Variants in SLCO3A1 observed in about 807,000 individuals in gnomAD.
SLCO3A1 encodes PGE1 transporter.
SLCO3A1 carries 27 observed loss-of-function variants against 63.1 expected under a neutral mutation model. That is an observed-to-expected ratio of 0.43 (90% CI 0.32 to 0.59). The LOEUF is 0.59. Ranked by LOEUF, SLCO3A1 falls within the 20% of genes least tolerant of loss-of-function variation. SLCO3A1 has a pLI of 0.09. For synonymous variants in SLCO3A1, 473 were observed against 409.9 expected (o/e 1.15, Z -1.86); for missense variants, 773 against 945.8 (o/e 0.82, Z 2.40).
chr15:92,128,864 C>T, intron 7 of SLCO3A1, among the ~76,000 whole-genome samples: 1 of 152,224 alleles, frequency 6.6e-6, no homozygotes, highest in Non-Finnish European at 1.5e-5. Context: ...TCAGGAAAGA[C>T]TTCTTCCAGA....
chr15:91,974,364 T>G (rs1244055731), intron 2 of SLCO3A1, among the ~76,000 whole-genome samples: 1 of 151,936 alleles, frequency 6.6e-6, no homozygotes, highest in East Asian at 1.9e-4. Flanking sequence ...AGAGACAGAC[T>G]CATGAATAAA....
intron 2 of SLCO3A1, among the ~76,000 whole-genome samples, chr15:91,922,327 G>T (rs1374705773): frequency 6.6e-6 from 1 of 152,152 alleles, no homozygotes; most frequent in Non-Finnish European, 1.5e-5. Flanking sequence ...TGAATACACA[G>T]AACAAGTGCT....
At chr15:92,004,429 T>G (rs7182304) in intron 2 of SLCO3A1, among the ~76,000 whole-genome samples, 133,370 of 152,308 alleles carry the variant, frequency 0.88, 58,737 homozygotes, top group East Asian at 0.98. Flanking sequence ...TATAGCTGGT[T>G]AGGCAGTGAT....
At chr15:92,068,947 T>G (rs370303301) in intron 2 of SLCO3A1, among the ~76,000 whole-genome samples, 1 of 152,174 alleles carries the variant, frequency 6.6e-6, no homozygotes. Flanking sequence ...ACGGTGATGA[T>G]TCCTAGAGAT....
At position 91,863,605 on chromosome 15, in the gene SLCO3A1, C is replaced by G. The variant is rs1897098482; in HGVS notation, c.180+9517C>G. Among the ~76,000 whole-genome samples, 1 of 152,180 alleles carries G rather than the reference C, an allele frequency of 6.6e-6. No individual in the cohort carries two copies. Among genetic ancestry groups the G allele is most frequent in the Non-Finnish European group, 1.5e-5 (1 of 68,042 alleles). On this transcript the variant is annotated intron_variant, in intron 1 of 9. Transcript: ENST00000318445. The surrounding 1 kb of genome is among the most constrained non-coding windows in gnomAD (Gnocchi z 4.3). The stretch of plus-strand genomic sequence containing the variant: ...TGAAGCTATACATGCGTGGGGTGCA[C>G]AGCACACCACACGGTCAAGTTCAGC...
chr15:92,058,153 G>A (rs753284670), intron 2 of SLCO3A1, among the ~76,000 whole-genome samples: 4 of 151,526 alleles, frequency 2.6e-5, no homozygotes, highest in East Asian at 1.9e-4. Context: ...CTGTATAAGC[G>A]TGAGAGTGTG....
chr15:92,104,970 G>A (rs888073711), intron 4 of SLCO3A1, among the ~76,000 whole-genome samples: 10 of 151,086 alleles, frequency 6.6e-5, no homozygotes, highest in African/African-American at 2.4e-4. Context: ...GGGCGCGGTG[G>A]CTGTAATCCC....
chr15:92,162,778 C>T lies in SLCO3A1; in HGVS notation c.1776C>T (p.Ile592=), dbSNP rs760681699. The T allele has an allele frequency of 3.1e-6, 5 of 1,613,702 alleles. No homozygotes were observed. The highest frequency in any genetic ancestry group is 3.4e-6 in the Non-Finnish European group (4 of 1,179,784). ...RLLGFIPPPL[I]FGAGIDSTCL... ...CAGGCTTCATCCCTCCACCCCTCAT[C>T]TTCGGGGCTGGCATCGACTCCACCT... Residue 592 remains isoleucine (I), a synonymous_variant, in exon 10 of 10, where the codon ATC becomes ATT. Coordinates refer to ENST00000318445, the MANE Select transcript of SLCO3A1 (RefSeq NM_013272.4).
intron 2 of SLCO3A1, among the ~76,000 whole-genome samples, chr15:92,054,583 C>T (rs1370235336): frequency 6.6e-6 from 1 of 152,140 alleles, no homozygotes; most frequent in Non-Finnish European, 1.5e-5. Flanking sequence ...TATGCATTAG[C>T]TATCCTGATG....
At chr15:91,887,367 C>T (rs1478612496) in intron 1 of SLCO3A1, among the ~76,000 whole-genome samples, 1 of 152,076 alleles carries the variant, frequency 6.6e-6, no homozygotes, top group Non-Finnish European at 1.5e-5. Context: ...AACAATGACC[C>T]TAAAGCACTA....
chr15:92,127,787 T>C (rs1468463047), intron 6 of SLCO3A1, among the ~76,000 whole-genome samples: 1 of 152,208 alleles, frequency 6.6e-6, no homozygotes, highest in East Asian at 1.9e-4. Flanking sequence ...ACAATAATTA[T>C]TGAAGTCAGT....
At chr15:91,962,036 T>C (rs1305754968) in intron 2 of SLCO3A1, among the ~76,000 whole-genome samples, 1 of 152,224 alleles carries the variant, frequency 6.6e-6, no homozygotes, top group African/African-American at 2.4e-5. Context: ...GAGTCAGAAG[T>C]TGAGCTCAGC....
At chr15:92,037,099 G>A (rs928099504) in intron 2 of SLCO3A1, among the ~76,000 whole-genome samples, 5 of 152,174 alleles carry the variant, frequency 3.3e-5, no homozygotes, top group East Asian at 1.9e-4. Flanking sequence ...GCATCATGCC[G>A]TGGGATGGTC....
intron 1 of SLCO3A1, among the ~76,000 whole-genome samples, chr15:91,870,968 G>T (rs147985817): frequency 7.9e-5 from 12 of 151,886 alleles, no homozygotes; most frequent in African/African-American, 2.9e-4. Flanking sequence ...CTTTTGGGGG[G>T]TATCTTTCTC....
intron 2 of SLCO3A1, among the ~76,000 whole-genome samples, chr15:91,958,337 T>G (rs534095214): frequency 9.2e-5 from 14 of 152,238 alleles, no homozygotes; most frequent in African/African-American, 3.4e-4. Flanking sequence ...CGTACTTCAT[T>G]TTGTATTCAT....
chr15:92,034,626 A>T (rs1226408533), intron 2 of SLCO3A1, among the ~76,000 whole-genome samples: 1 of 151,784 alleles, frequency 6.6e-6, no homozygotes, highest in Non-Finnish European at 1.5e-5. Flanking sequence ...GAAGCCCTGC[A>T]GCCACAGGAA....
intron 2 of SLCO3A1, among the ~76,000 whole-genome samples, chr15:91,971,164 G>A (rs1017483936): frequency 7.9e-5 from 12 of 151,960 alleles, no homozygotes; most frequent in African/African-American, 2.9e-4. Flanking sequence ...GGGAGGCCGA[G>A]GCGGGCGGAT....
chr15:92,090,699 A>C (rs936395273), intron 2 of SLCO3A1, among the ~76,000 whole-genome samples: 3 of 152,166 alleles, frequency 2.0e-5, no homozygotes, highest in Non-Finnish European at 2.9e-5. Context: ...TAGCTTTAAG[A>C]AATGAGGTAT....
intron 2 of SLCO3A1, among the ~76,000 whole-genome samples, chr15:91,984,056 AG>A (rs2046020322): frequency 6.6e-6 from 1 of 152,112 alleles, no homozygotes; most frequent in Admixed American, 6.5e-5. Flanking sequence ...CAACCAAACA[AG>A]GGTTCTGTTT....
Sources: allele counts gnomAD v4.1 joint callset (sites outside exome capture counted in the v4.1 genomes callset), GRCh38; gene constraint gnomAD v4.1.1; non-coding constraint Gnocchi (gnomAD v3.1); transcripts MANE v1.5; gene names NCBI Gene and HGNC (gene_info 2026-07-23, HGNC 2026-07-21).